Variants in FLVCR1 observed in about 807,000 individuals in gnomAD.
FLVCR1 encodes choline/ethanolamine transporter FLVCR1.
A neutral mutation model predicts 53.6 loss-of-function variants in FLVCR1; 34 were observed. The observed-to-expected ratio is 0.63, with a 90% CI of 0.48 to 0.84. The LOEUF (loss-of-function observed/expected upper bound fraction) is 0.84. Among genes scored for constraint, FLVCR1 ranks in the 40% least tolerant of loss-of-function variants. FLVCR1 has a pLI of 0.00. For synonymous variants in FLVCR1, 300 were observed against 286.3 expected, an observed-to-expected ratio of 1.05 and a Z score of -0.48; for missense variants, 677 against 696.7, an observed-to-expected ratio of 0.97 and a Z score of 0.32.
At chr1:212,867,266 T>C (rs1008326728) in intron 2 of FLVCR1, among the ~76,000 whole-genome samples, 14 of 152,238 alleles carry the variant, frequency 9.2e-5, no homozygotes, top group African/African-American at 3.4e-4. Flanking sequence ...AGCATTCCAC[T>C]GAATTTCACA....
chr1:212,880,040 A>C (rs1195693178), intron 3 of FLVCR1, among the ~76,000 whole-genome samples: 1 of 151,434 alleles, frequency 6.6e-6, no homozygotes, highest in African/African-American at 2.4e-5. Flanking sequence ...AGTATGTATT[A>C]GATTCAAAAT....
chr1:212,885,550 C>CTGTTTTT, intron 5 of FLVCR1, 154 bp downstream of exon 5: 1 of 295,364 alleles, frequency 3.4e-6, no homozygotes, highest in Non-Finnish European at 6.1e-6. Context: ...ACAAGTGTTT[C>CTGTTTTT]TTTTTTTTTT....
intron 7 of FLVCR1, 43 bp from the exon 8 acceptor site, chr1:212,889,103 T>A (rs763350892): frequency 4.5e-6 from 6 of 1,339,222 alleles, no homozygotes; most frequent in Middle Eastern, 1.8e-4. Context: ...TTGCTTTAAA[T>A]AATTTAACTT....
chr1:212,873,198 G>A (rs1302450972), intron 3 of FLVCR1, among the ~76,000 whole-genome samples: 3 of 151,738 alleles, frequency 2.0e-5, no homozygotes, highest in Non-Finnish European at 2.9e-5. Context: ...CTGTAATCCC[G>A]GCTACTCAGG....
At position 212,890,912 on chromosome 1, in the gene FLVCR1, C is replaced by T. The variant is rs1350873386; in HGVS notation, c.1525+1655C>T. Among the ~76,000 whole-genome samples, 10 of 152,114 alleles carry T rather than the reference C, an allele frequency of 6.6e-5. No homozygotes were observed. The South Asian group carries it at 1.0e-3, about 16-fold the overall frequency. ...TGATAGGAACCTGAGCATTCATTCA[C>T]GAAGCTAAAAGAAAGTGAATGCACT... On this transcript the variant is annotated intron_variant, in intron 8 of 9. Transcript: ENST00000366971.
rs369868359 is a variant in FLVCR1 at position 212,883,351 on chromosome 1, A to T, written c.1025-20A>T. 7.1e-5 allele frequency: 95 copies of T among 1,346,128 alleles called. No homozygotes were observed. The East Asian group carries it at 2.2e-3, about 31-fold the overall frequency. The allele number at this position is 1,346,128 out of a possible 1,614,324, so 83.4% of individuals were successfully genotyped here. ...ATTGTAGGTATCATGACTTAATATC[A>T]TCTTTATTTATTATTGTAGGTATCA... is the stretch of plus-strand genomic sequence containing the variant. On this transcript the variant is annotated intron_variant, in intron 3 of 9. Coordinates refer to ENST00000366971, the MANE Select transcript of FLVCR1 (RefSeq NM_014053.4).
chr1:212,864,162 G>A (rs1035935295), intron 2 of FLVCR1, among the ~76,000 whole-genome samples: 16 of 151,970 alleles, frequency 1.1e-4, no homozygotes, highest in African/African-American at 3.9e-4. Context: ...TCCCATATTC[G>A]CCTACATGGT....
At chr1:212,882,586 A>G (rs1443666054) in intron 3 of FLVCR1, among the ~76,000 whole-genome samples, 2 of 152,196 alleles carry the variant, frequency 1.3e-5, no homozygotes, top group Admixed American at 1.3e-4. Flanking sequence ...CGGGTGATAT[A>G]TGAGGATATT....
chr1:212,867,086 TA>T (rs1310158461), intron 2 of FLVCR1, among the ~76,000 whole-genome samples: 1 of 152,238 alleles, frequency 6.6e-6, no homozygotes, highest in African/African-American at 2.4e-5. Context: ...CACGTCCTCA[TA>T]AAATAATTTA....
At chr1:212,869,782 C>T (rs976018445) in intron 2 of FLVCR1, among the ~76,000 whole-genome samples, 3 of 152,210 alleles carry the variant, frequency 2.0e-5, no homozygotes, top group African/African-American at 7.2e-5. Context: ...GTGAGTTGCC[C>T]GCCTCAGGCC....
At chr1:212,876,419 G>C (rs531956753) in intron 3 of FLVCR1, among the ~76,000 whole-genome samples, 7 of 151,146 alleles carry the variant, frequency 4.6e-5, no homozygotes, top group African/African-American at 1.7e-4. Flanking sequence ...GCCCAGGCTG[G>C]AGTGCACACA....
intron 2 of FLVCR1, among the ~76,000 whole-genome samples, chr1:212,867,277 C>T (rs1307137991): frequency 1.3e-5 from 2 of 152,200 alleles, no homozygotes; most frequent in African/African-American, 4.8e-5. Context: ...GAATTTCACA[C>T]TAATACCCTA....
At chr1:212,878,840 T>G (rs1664841790) in intron 3 of FLVCR1, among the ~76,000 whole-genome samples, 1 of 151,958 alleles carries the variant, frequency 6.6e-6, no homozygotes, top group Admixed American at 6.6e-5. Context: ...AATACAAAAA[T>G]TAGCCAGACA....
chr1:212,884,174 C>A (rs41300027), intron 4 of FLVCR1, among the ~76,000 whole-genome samples: 3 of 152,112 alleles, frequency 2.0e-5, no homozygotes, highest in Non-Finnish European at 1.5e-5. Flanking sequence ...TGGCGCATGC[C>A]TGTAATTCCA....
intron 3 of FLVCR1, among the ~76,000 whole-genome samples, chr1:212,875,546 C>G (rs1397824587): frequency 6.6e-6 from 1 of 152,102 alleles, no homozygotes; most frequent in Non-Finnish European, 1.5e-5. Context: ...TACCACATCA[C>G]TTAATACTTA....
At position 212,888,485 on chromosome 1, in the gene FLVCR1, C is replaced by A. The variant is rs757411373; in HGVS notation, c.1308-4C>A. 3 of 1,603,264 alleles carry A rather than the reference C, an allele frequency of 1.9e-6. No homozygotes were observed. The East Asian group carries it at 6.7e-5, about 36-fold the overall frequency. ...TTTCTGTAATTCTGGATTTATTTTC[C>A]TAGCTTCTTCATGACTGGTTACCTC... is the stretch of plus-strand genomic sequence containing the variant. On this transcript the variant is annotated splice_region_variant and splice_polypyrimidine_tract_variant and intron_variant, in intron 6 of 9. Coordinates refer to ENST00000366971, the MANE Select transcript of FLVCR1 (RefSeq NM_014053.4).
intron 2 of FLVCR1, chr1:212,869,987 T>C (rs1211906235): frequency 6.6e-6 from 1 of 152,256 alleles, no homozygotes; most frequent in Non-Finnish European, 1.5e-5. Context: ...TCTGAAACTT[T>C]GTTTTATAAC....
intron 8 of FLVCR1, among the ~76,000 whole-genome samples, chr1:212,889,618 TGTG>T (rs1227842831): frequency 6.6e-6 from 1 of 152,012 alleles, no homozygotes; most frequent in Non-Finnish European, 1.5e-5. Flanking sequence ...ATTAGCCAGT[TGTG>T]GTGGCGCACA....
At chr1:212,880,510 C>G (rs1408748025) in intron 3 of FLVCR1, among the ~76,000 whole-genome samples, 1 of 152,122 alleles carries the variant, frequency 6.6e-6, no homozygotes, top group Admixed American at 6.6e-5. Flanking sequence ...TTATATTAAT[C>G]CTGCTGGCCA....
Sources: allele counts gnomAD v4.1 joint callset (sites outside exome capture counted in the v4.1 genomes callset), GRCh38; gene constraint gnomAD v4.1.1; transcripts MANE v1.5; gene names NCBI Gene and HGNC (gene_info 2026-07-23, HGNC 2026-07-21).